ARHGAP26: variants seen among roughly 807,000 people sequenced by gnomAD.
ARHGAP26 encodes Rho GTPase activating protein 26, also known as rho GTPase-activating protein 26.
A neutral mutation model predicts 104.8 loss-of-function variants in ARHGAP26; 38 were observed. The ratio of observed to expected loss-of-function variants is 0.36; its 90% CI spans 0.28 to 0.48. The LOEUF (loss-of-function observed/expected upper bound fraction) is 0.48. Among genes scored for constraint, ARHGAP26 ranks in the 20% least tolerant of loss-of-function variants. ARHGAP26 has a pLI of 0.99. For synonymous variants in ARHGAP26, 341 were observed against 340.0 expected, an observed-to-expected ratio of 1.00 and a Z score of -0.03; for missense variants, 704 against 947.9, an observed-to-expected ratio of 0.74 and a Z score of 3.38.
chr5:143,128,164 A>G (rs1010134669), intron 18 of ARHGAP26, among the ~76,000 whole-genome samples: 2 of 152,150 alleles, frequency 1.3e-5, no homozygotes, highest in African/African-American at 4.8e-5. Context: ...CATTAATGTG[A>G]TAAGGTAGGT....
At chr5:142,852,400 A>C (rs1031296992) in intron 1 of ARHGAP26, among the ~76,000 whole-genome samples, 1 of 152,252 alleles carries the variant, frequency 6.6e-6, no homozygotes, top group African/African-American at 2.4e-5. Flanking sequence ...CTAAGGTCAA[A>C]GGCATTCTTG....
intron 21 of ARHGAP26, among the ~76,000 whole-genome samples, chr5:143,208,420 A>G (rs1808937531): frequency 6.6e-6 from 1 of 152,182 alleles, no homozygotes; most frequent in Admixed American, 6.5e-5. Flanking sequence ...TAATTTATGA[A>G]GCCGAGTTTC....
At chr5:142,812,420 T>C (rs1307137565) in intron 1 of ARHGAP26, among the ~76,000 whole-genome samples, 2 of 151,860 alleles carry the variant, frequency 1.3e-5, no homozygotes, top group East Asian at 1.9e-4. Context: ...CAGTGCAACC[T>C]CTGCCTCCTT....
chr5:142,914,205 T>G (rs988201774), intron 10 of ARHGAP26, among the ~76,000 whole-genome samples: 1 of 152,244 alleles, frequency 6.6e-6, no homozygotes, highest in Non-Finnish European at 1.5e-5. Context: ...TTGCACTGCC[T>G]TCTTCTGGCA....
intron 1 of ARHGAP26, among the ~76,000 whole-genome samples, chr5:142,823,149 G>C (rs571222450): frequency 6.6e-6 from 1 of 152,334 alleles, no homozygotes; most frequent in South Asian, 2.1e-4. Context: ...CATTCAGCTG[G>C]TGAAGGTGGA....
chr5:142,997,093 CCAAA>C (rs199498080), intron 11 of ARHGAP26, among the ~76,000 whole-genome samples: 1 of 151,870 alleles, frequency 6.6e-6, no homozygotes, highest in Non-Finnish European at 1.5e-5. Flanking sequence ...TAGCTGTTTT[CCAAA>C]AAACTTTATA....
chr5:143,048,809 G>A (rs1406169795), intron 14 of ARHGAP26, among the ~76,000 whole-genome samples: 1 of 151,480 alleles, frequency 6.6e-6, no homozygotes, highest in African/African-American at 2.4e-5. Flanking sequence ...AGCTACTCAG[G>A]AGGCTGAGGC....
chr5:142,872,028 C>G (rs1277027891), intron 1 of ARHGAP26, among the ~76,000 whole-genome samples: 2 of 152,176 alleles, frequency 1.3e-5, no homozygotes, highest in Non-Finnish European at 2.9e-5. Flanking sequence ...AGCTTGAGCC[C>G]TGGTCCTGAG....
chr5:143,228,255 G>A lies in ARHGAP26; in HGVS notation c.*5809G>A, dbSNP rs913920784. On this transcript the variant is annotated 3_prime_UTR_variant, in exon 23 of 23. Transcript: ENST00000645722. ...TATATTTATGTGTGTGTGTATGTGT[G>A]TGTATACAGCACATATTTACATCTA... 1.3e-5 allele frequency: 3 copies of A among 224,486 alleles called. No individual in the cohort carries two copies. The highest frequency in any genetic ancestry group is 6.7e-5 in the African/African-American group (3 of 44,854). 13.9% of individuals were successfully genotyped at this position (224,486 alleles called of 1,614,324 possible). A position where few individuals can be genotyped will look rare whatever the true frequency, so the allele number is the denominator to read the frequency against.
intron 1 of ARHGAP26, among the ~76,000 whole-genome samples, chr5:142,848,049 A>G (rs78964652): frequency 0.015 from 2,282 of 152,328 alleles, 60 homozygotes; most frequent in African/African-American, 0.052. Flanking sequence ...GTTCAATCCA[A>G]TTGAATGGCA....
chr5:143,202,542 C>G (rs994513540), intron 20 of ARHGAP26: 1 of 152,170 alleles, frequency 6.6e-6, no homozygotes, highest in Admixed American at 6.5e-5. Context: ...CATCAAGCTA[C>G]CACTGACTTC....
chr5:143,177,302 A>C (rs989971988), intron 20 of ARHGAP26, among the ~76,000 whole-genome samples: 1 of 152,196 alleles, frequency 6.6e-6, no homozygotes, highest in Non-Finnish European at 1.5e-5. Flanking sequence ...TGTTTGCTAC[A>C]TAGTGCTTGT....
At chr5:142,889,495 G>A (rs937350271) in intron 5 of ARHGAP26, among the ~76,000 whole-genome samples, 3 of 152,152 alleles carry the variant, frequency 2.0e-5, no homozygotes, top group African/African-American at 7.2e-5. Context: ...GCACGCGCCT[G>A]TAATCCCAGC....
At chr5:143,071,747 CA>C (rs1788283688) in intron 17 of ARHGAP26, among the ~76,000 whole-genome samples, 1 of 151,286 alleles carries the variant, frequency 6.6e-6, no homozygotes, top group African/African-American at 2.4e-5. Flanking sequence ...ATCTCTACTA[CA>C]AAAAAATTAG....
At chr5:142,938,689 G>T (rs984292313) in intron 11 of ARHGAP26, among the ~76,000 whole-genome samples, 1 of 152,190 alleles carries the variant, frequency 6.6e-6, no homozygotes, top group Non-Finnish European at 1.5e-5. Flanking sequence ...GGCTCAGGAA[G>T]CCAGGGGGAC....
chr5:142,843,637 GT>G (rs570642006), intron 1 of ARHGAP26, among the ~76,000 whole-genome samples: 5 of 151,216 alleles, frequency 3.3e-5, no homozygotes, highest in Non-Finnish European at 7.4e-5. Context: ...CTTATGGCGT[GT>G]TTTTTTTTGA....
At chr5:142,900,639 G>A (rs1760186817) in intron 6 of ARHGAP26, among the ~76,000 whole-genome samples, 1 of 151,966 alleles carries the variant, frequency 6.6e-6, no homozygotes, top group South Asian at 2.1e-4. Context: ...TTCCTTTACC[G>A]TCACTTATTA....
At chr5:143,025,764 C>T (rs912269958) in intron 12 of ARHGAP26, among the ~76,000 whole-genome samples, 4 of 152,182 alleles carry the variant, frequency 2.6e-5, no homozygotes, top group Non-Finnish European at 5.9e-5. Context: ...CTGTGCTGTG[C>T]AAGAACCTAC....
chr5:143,164,511 A>G (rs1395982045), intron 20 of ARHGAP26, among the ~76,000 whole-genome samples: 1 of 152,236 alleles, frequency 6.6e-6, no homozygotes, highest in Non-Finnish European at 1.5e-5. Flanking sequence ...ATCATTTCAA[A>G]GAATGAGACT....
Sources: allele counts gnomAD v4.1 joint callset (sites outside exome capture counted in the v4.1 genomes callset), GRCh38; gene constraint gnomAD v4.1.1; transcripts MANE v1.5; gene names NCBI Gene and HGNC (gene_info 2026-07-23, HGNC 2026-07-21).